Variants in UGT1A4 observed in about 807,000 individuals in gnomAD.
UGT1A4 encodes UDP glucuronosyltransferase family 1 member A4, also known as UDP-glucuronosyltransferase 1A4.
A neutral mutation model predicts 41.1 loss-of-function variants in UGT1A4; 32 were observed. That is an observed-to-expected ratio of 0.78 (90% CI 0.59 to 1.05). UGT1A4 has a LOEUF of 1.05. Ranked by LOEUF, UGT1A4 falls within the 50% of genes least tolerant of loss-of-function variation. The probability of loss-of-function intolerance (pLI) is 0.00; values close to 1 mark genes in which losing one functional copy is unlikely to be tolerated. For synonymous variants in UGT1A4, 283 were observed against 265.1 expected, an observed-to-expected ratio of 1.07 and a Z score of -0.66; for missense variants, 748 against 677.4, an observed-to-expected ratio of 1.10 and a Z score of -1.16.
At chr2:233,728,999 G>A in intron 1 of UGT1A4, 10 of 1,561,322 alleles carry the variant, frequency 6.4e-6, no homozygotes, top group Non-Finnish European at 8.7e-6. Flanking sequence ...ACTAGAGGAG[G>A]GCACTCTGTC....
chr2:233,722,088 C>T (rs983768867), intron 1 of UGT1A4: 6 of 215,248 alleles, frequency 2.8e-5, no homozygotes, highest in African/African-American at 1.4e-4. Context: ...CACAGATCAC[C>T]TTAGGCCTCT....
rs538578052 is a variant in UGT1A4, at chr2:233,763,857, A to AT, written c.868-3177_868-3176insT. Among the ~76,000 whole-genome samples, 77 of 152,298 alleles carry AT rather than the reference A, an allele frequency of 5.1e-4. 2 individuals carry two copies. In the South Asian group the frequency reaches 0.016, roughly 31 times the overall value. ...AGGGTAAGATAGCAGTGGTTCACAGACAATCGCAATGCTGGGTCTGAGAAA... is the reference window on the plus strand; with the variant it reads ...AGGGTAAGATAGCAGTGGTTCACAGATCAATCGCAATGCTGGGTCTGAGAAA... On this transcript the variant is annotated intron_variant, in intron 1 of 4. Coordinates refer to ENST00000373409, the MANE Select transcript of UGT1A4 (RefSeq NM_007120.3).
At position 233,769,564 on chromosome 2, in the gene UGT1A4, A is replaced by G; in HGVS notation, c.1307+1125A>G. 2 of 1,612,876 alleles carry G rather than the reference A, an allele frequency of 1.2e-6. No homozygotes were observed. Among genetic ancestry groups the G allele is most frequent in the Non-Finnish European group, 1.7e-6 (2 of 1,179,838 alleles). Reference sequence around the variant, plus strand: ...AGCAGTCAGGAAGACAGATGTGAAGAGCTGGAGCATGTTCAGATGAGAGGA... The same window carrying G: ...AGCAGTCAGGAAGACAGATGTGAAGGGCTGGAGCATGTTCAGATGAGAGGA... On this transcript the variant is annotated intron_variant, in intron 4 of 4. Transcript: ENST00000373409. The surrounding 1 kb of genome is among the most constrained non-coding windows in gnomAD (Gnocchi z 4.4).
intron 1 of UGT1A4, chr2:233,729,317 A>G: frequency 6.2e-7 from 1 of 1,614,270 alleles, no homozygotes; most frequent in Non-Finnish European, 8.5e-7. Flanking sequence ...CTCACCCCAG[A>G]GGTGAATATG....
intron 1 of UGT1A4, among the ~76,000 whole-genome samples, chr2:233,746,704 G>A (rs1301844590): frequency 6.6e-6 from 1 of 151,714 alleles, no homozygotes; most frequent in African/African-American, 2.4e-5. Context: ...TAAATATTTG[G>A]TGGATAAGGG....
chr2:233,756,911 G>T (rs1386201221), intron 1 of UGT1A4, among the ~76,000 whole-genome samples: 2 of 152,132 alleles, frequency 1.3e-5, no homozygotes, highest in Non-Finnish European at 2.9e-5. Flanking sequence ...ACAAACTTCT[G>T]AGTTTATATA....
At position 233,769,586 on chromosome 2, in the gene UGT1A4, A is replaced by G; in HGVS notation, c.1307+1147A>G. ...AAGAGCTGGAGCATGTTCAGATGAG[A>G]GGAGACGGAACACGGGGACACACCA... On this transcript the variant is annotated intron_variant, in intron 4 of 4. Transcript: ENST00000373409. This position sits in a 1 kb window ranked among gnomAD's most constrained non-coding sequence, Gnocchi z 4.4. 2.5e-6 allele frequency: 4 copies of G among 1,612,900 alleles called. No individual in the cohort carries two copies. The highest frequency in any genetic ancestry group is 3.4e-6 in the Non-Finnish European group (4 of 1,179,882).
In UGT1A4 at chr2:233,767,864, A is replaced by T; in HGVS notation, c.1015A>T (p.Thr339Ser). The change falls in exon 3 of 5, where the codon ACT (threonine) becomes TCT (serine). Residue 339 changes from threonine to serine, a missense_variant. Thr to Ser is a moderately conservative substitution (Grantham distance 58). Coordinates refer to ENST00000373409, the MANE Select transcript of UGT1A4 (RefSeq NM_007120.3). The part of the protein sequence containing the change: ...KIPQTVLWRY[T>S]GTRPSNLANN... Reference sequence around the variant, plus strand: ...CCCCTCCCAGGTCCTGTGGCGGTACACTGGAACCCGACCATCGAATCTTGC... The same window carrying T: ...CCCCTCCCAGGTCCTGTGGCGGTACTCTGGAACCCGACCATCGAATCTTGC... 1 of 1,614,144 alleles carries T rather than the reference A, an allele frequency of 6.2e-7. No individual in the cohort carries two copies. Among genetic ancestry groups the T allele is most frequent in the Non-Finnish European group, 8.5e-7 (1 of 1,180,042 alleles).
chr2:233,765,014 C>G (rs1352821222), intron 1 of UGT1A4, among the ~76,000 whole-genome samples: 2 of 151,988 alleles, frequency 1.3e-5, no homozygotes, highest in Non-Finnish European at 1.5e-5. Context: ...CCAAATCAGG[C>G]TTGGCAGGAG....
At chr2:233,771,851 A>G (rs982853189) in intron 4 of UGT1A4, among the ~76,000 whole-genome samples, 2 of 135,436 alleles carry the variant, frequency 1.5e-5, no homozygotes, top group Non-Finnish European at 3.0e-5. Context: ...CTTCTTTTTC[A>G]AGAGATCAAT....
rs2076777765 is a variant in UGT1A4 at position 233,719,529 on chromosome 2, G to A, written c.709G>A (p.Glu237Lys). 6.2e-7 allele frequency: 1 copy of A among 1,613,836 alleles called. No individual in the cohort carries two copies. Among genetic ancestry groups the A allele is most frequent in the South Asian group, 1.1e-5 (1 of 91,074 alleles). Residue 237 changes from glutamate to lysine, a missense_variant, in exon 1 of 5, where the codon GAG (glutamate) becomes AAG (lysine). Coordinates refer to ENST00000373409, the MANE Select transcript of UGT1A4 (RefSeq NM_007120.3). Reference protein sequence around the residue: ...FSAPYASLASELFQREVSVVD... With the variant: ...FSAPYASLASKLFQREVSVVD... Reference sequence around the variant, plus strand: ...TGCCCCTTATGCAAGTCTTGCCTCTGAGCTTTTTCAGAGAGAGGTGTCAGT... The same window carrying A: ...TGCCCCTTATGCAAGTCTTGCCTCTAAGCTTTTTCAGAGAGAGGTGTCAGT...
In UGT1A4 at chr2:233,719,575, C is replaced by T; in HGVS notation, c.755C>T (p.Ala252Val). The T allele has an allele frequency of 6.2e-7, 1 of 1,613,950 alleles. No homozygotes were observed. Among genetic ancestry groups the T allele is most frequent in the Non-Finnish European group, 8.5e-7 (1 of 1,179,884 alleles). ...TCAGTGGTGGATCTTGTCAGCTATGCATCCGTGTGGCTGTTCCGAGGGGAC... is the reference window on the plus strand; with the variant it reads ...TCAGTGGTGGATCTTGTCAGCTATGTATCCGTGTGGCTGTTCCGAGGGGAC... ...EVSVVDLVSY[A>V]SVWLFRGDFV... Residue 252 changes from alanine (A) to valine (V), a missense_variant, in exon 1 of 5, where the codon GCA (alanine) becomes GTA (valine). Transcript: ENST00000373409.
rs377261801 is a variant in UGT1A4, at chr2:233,719,531, G to C, written c.711G>C (p.Glu237Asp). The change falls in exon 1 of 5, where the codon GAG (glutamate) becomes GAC (aspartate). Residue 237 changes from glutamate (E) to aspartate (D), a missense_variant. Physicochemically the swap from Glu to Asp is conservative, Grantham distance 45. Transcript: ENST00000373409. ...FSAPYASLAS[E>D]LFQREVSVVD... is the part of the protein sequence containing the mutation. ...CCCCTTATGCAAGTCTTGCCTCTGAGCTTTTTCAGAGAGAGGTGTCAGTGG... is the reference window on the plus strand; with the variant it reads ...CCCCTTATGCAAGTCTTGCCTCTGACCTTTTTCAGAGAGAGGTGTCAGTGG... 3.1e-5 allele frequency: 50 copies of C among 1,613,928 alleles called. No homozygotes were observed. In the African/African-American group the frequency reaches 6.5e-4, roughly 21 times the overall value.
rs367682058 is a variant in UGT1A4, at chr2:233,743,655, C to T, written c.868-23379C>T. The T allele has an allele frequency of 6.6e-6, 9 of 1,367,176 alleles. No homozygotes were observed. In the East Asian group the frequency reaches 3.2e-4, roughly 48 times the overall value. The allele number at this position is 1,367,176 out of a possible 1,614,324, so 84.7% of individuals were successfully genotyped here. ...GGGTCGCGGAAGCTGAAGACGTACT[C>T]GAAGGGGTCCTCGAAGGGCCTGCCG... On this transcript the variant is annotated intron_variant, in intron 1 of 4. Coordinates refer to ENST00000373409, the MANE Select transcript of UGT1A4 (RefSeq NM_007120.3).
At chr2:233,742,091 C>T (rs1449888416) in intron 1 of UGT1A4, 1 of 151,792 alleles carries the variant, frequency 6.6e-6, no homozygotes, top group Non-Finnish European at 1.5e-5. Context: ...TTTACATTTC[C>T]AGGACCCACT....
chr2:233,736,376 CT>C (rs2078756074), intron 1 of UGT1A4, among the ~76,000 whole-genome samples: 1 of 152,200 alleles, frequency 6.6e-6, no homozygotes, highest in Non-Finnish European at 1.5e-5. Context: ...CATTTAAGGT[CT>C]TCTCTACAGT....
chr2:233,719,052 A>G lies in UGT1A4; in HGVS notation c.232A>G (p.Thr78Ala), dbSNP rs200903552. The G allele has an allele frequency of 2.5e-6, 4 of 1,614,270 alleles. No individual in the cohort carries two copies. The highest frequency in any genetic ancestry group is 1.3e-5 in the African/African-American group (1 of 75,084). Residue 78 changes from threonine to alanine, a missense_variant, in exon 1 of 5, where the codon ACA becomes GCA. Coordinates refer to ENST00000373409, the MANE Select transcript of UGT1A4 (RefSeq NM_007120.3). ...HIKEEKFFTLTAYAVPWTQKE... is the reference protein window; with the variant it reads ...HIKEEKFFTLAAYAVPWTQKE... Reference sequence around the variant, plus strand: ...CAAAGAAGAGAAATTTTTCACCCTGACAGCCTATGCTGTTCCATGGACCCA... The same window carrying G: ...CAAAGAAGAGAAATTTTTCACCCTGGCAGCCTATGCTGTTCCATGGACCCA...
intron 1 of UGT1A4, among the ~76,000 whole-genome samples, chr2:233,724,420 G>A (rs1396792043): frequency 4.4e-5 from 6 of 135,614 alleles, no homozygotes; most frequent in African/African-American, 1.4e-4. Flanking sequence ...GCTGCCGGGC[G>A]GAGAGGCTCC....
chr2:233,768,820 G>A (rs1699735908), intron 4 of UGT1A4, among the ~76,000 whole-genome samples: 1 of 151,998 alleles, frequency 6.6e-6, no homozygotes, highest in Non-Finnish European at 1.5e-5. Flanking sequence ...CTGACTTCAG[G>A]TGATCCACCT....
Sources: gnomAD v4.1 joint callset for allele counts (sites outside exome capture counted in the v4.1 genomes callset) on GRCh38, gnomAD v4.1.1 for gene constraint, Gnocchi (gnomAD v3.1) non-coding constraint, MANE v1.5 for transcripts, NCBI Gene and HGNC (gene_info 2026-07-23, HGNC 2026-07-21) for gene names.